Variants in LCORL observed in about 807,000 individuals in gnomAD.
LCORL encodes the protein ligand-dependent nuclear receptor corepressor-like protein.
In LCORL, 41 loss-of-function variants were observed where a neutral mutation model predicts 141.8. That is an observed-to-expected ratio of 0.29 (90% CI 0.23 to 0.38). LCORL has a LOEUF of 0.38. Ranked by LOEUF, LCORL falls within the 10% of genes least tolerant of loss-of-function variation. The pLI, the probability that LCORL is intolerant of heterozygous loss-of-function variation, is 1.00. For synonymous variants in LCORL, 618 were observed against 694.1 expected (o/e 0.89, Z 1.72); for missense variants, 1,759 against 2,035.0 (o/e 0.86, Z 2.61).
intron 5 of LCORL, among the ~76,000 whole-genome samples, chr4:17,898,900 C>T (rs898277415): frequency 3.3e-5 from 5 of 152,228 alleles, no homozygotes; most frequent in African/African-American, 1.2e-4. Flanking sequence ...ACTGTCAATG[C>T]CTCCATAAGG....
intron 4 of LCORL, among the ~76,000 whole-genome samples, chr4:17,920,240 T>C (rs918943987): frequency 1.3e-5 from 2 of 152,200 alleles, no homozygotes; most frequent in Admixed American, 6.5e-5. Context: ...TAGTAAGCAC[T>C]GCTTGGTATG....
intron 4 of LCORL, chr4:17,912,075 G>C: frequency 5.6e-6 from 4 of 716,198 alleles, no homozygotes; most frequent in Non-Finnish European, 7.8e-6. Flanking sequence ...TCAGAGACTG[G>C]AGCCATTACT....
intron 6 of LCORL, among the ~76,000 whole-genome samples, 193 bp from the exon 7 acceptor site, chr4:17,878,406 AAAGTAT>A (rs1465367817): frequency 6.6e-6 from 1 of 151,530 alleles, no homozygotes; most frequent in Non-Finnish European, 1.5e-5. Context: ...TTCCTATGAC[AAAGTAT>A]AAGTCAAAGC....
chr4:17,883,338 T>C (rs1376063809), intron 6 of LCORL: 1 of 1,005,390 alleles, frequency 9.9e-7, no homozygotes. Context: ...TATAAGATGG[T>C]TCAACTGAAT....
intron 7 of LCORL, among the ~76,000 whole-genome samples, chr4:17,857,313 T>A (rs1193856337): frequency 6.6e-6 from 1 of 152,114 alleles, no homozygotes; most frequent in African/African-American, 2.4e-5. Context: ...CTGCAGAGGA[T>A]TTTCCTTGGG....
chr4:17,919,441 T>TA (rs1328275190), intron 4 of LCORL, among the ~76,000 whole-genome samples: 4 of 151,952 alleles, frequency 2.6e-5, no homozygotes, highest in African/African-American at 4.8e-5. Flanking sequence ...AACTATCAAA[T>TA]AAAAAAAACC....
chr4:17,964,868 T>TCCC (rs1560413975), intron 2 of LCORL, among the ~76,000 whole-genome samples: 155 of 142,190 alleles, frequency 1.1e-3, no homozygotes, highest in African/African-American at 4.2e-3. Context: ...TTACTGCCCT[T>TCCC]TTTTTTTTTT....
intron 1 of LCORL, among the ~76,000 whole-genome samples, chr4:17,992,488 G>A (rs944935008): frequency 6.6e-6 from 1 of 152,152 alleles, no homozygotes; most frequent in Admixed American, 6.5e-5. Context: ...TTAATGCTGT[G>A]TTTTCATAAT....
intron 1 of LCORL, among the ~76,000 whole-genome samples, chr4:18,005,854 C>T (rs564542172): frequency 6.6e-6 from 1 of 152,200 alleles, no homozygotes; most frequent in Non-Finnish European, 1.5e-5. Context: ...GGCCTCTGGG[C>T]CTGTGATGGC....
chr4:17,936,717 T>C (rs1038221632), intron 4 of LCORL, among the ~76,000 whole-genome samples: 3 of 152,212 alleles, frequency 2.0e-5, no homozygotes, highest in African/African-American at 7.2e-5. Context: ...TAACGGAGAA[T>C]ATTTTGATGC....
chr4:17,997,355 G>C (rs992749091), intron 1 of LCORL, among the ~76,000 whole-genome samples: 1 of 152,130 alleles, frequency 6.6e-6, no homozygotes, highest in Non-Finnish European at 1.5e-5. Flanking sequence ...GGGGAGGAGG[G>C]CTAGAATGTT....
At chr4:17,907,562 C>A (rs1361584615) in intron 5 of LCORL, among the ~76,000 whole-genome samples, 49 of 152,138 alleles carry the variant, frequency 3.2e-4, no homozygotes, top group Admixed American at 3.2e-3. Flanking sequence ...AAAAAAAATT[C>A]TAAAAATCCT....
intron 7 of LCORL, among the ~76,000 whole-genome samples, chr4:17,852,798 T>G (rs1373008624): frequency 6.6e-6 from 1 of 152,156 alleles, no homozygotes; most frequent in African/African-American, 2.4e-5. Context: ...GAAATCCAAA[T>G]AATTATTTGT....
chr4:17,955,656 T>A (rs140135716), intron 4 of LCORL, among the ~76,000 whole-genome samples: 1 of 152,082 alleles, frequency 6.6e-6, no homozygotes, highest in Non-Finnish European at 1.5e-5. Context: ...GGAAATCGAC[T>A]AAATAAAGGA....
rs530192911 is a variant in LCORL at position 17,870,230 on chromosome 4, C to G, written c.5602+3158G>C. On this transcript the variant is annotated intron_variant, in intron 7 of 7. Transcript: ENST00000635767. Reference sequence around the variant, plus strand: ...ATGGCTCACTGAAGCCTCGACCTCCCAGGTTCAAGCAAGGTGTGGGCTACC... The same window carrying G: ...ATGGCTCACTGAAGCCTCGACCTCCGAGGTTCAAGCAAGGTGTGGGCTACC... Among the ~76,000 whole-genome samples, 37 of 152,250 alleles carry G rather than the reference C, an allele frequency of 2.4e-4. No individual in the cohort carries two copies. In the East Asian group the frequency reaches 6.2e-3, roughly 25 times the overall value.
At chr4:17,918,587 A>G (rs1005906853) in intron 4 of LCORL, among the ~76,000 whole-genome samples, 1 of 152,180 alleles carries the variant, frequency 6.6e-6, no homozygotes, top group African/African-American at 2.4e-5. Flanking sequence ...CTAGATATAC[A>G]CTGGTAGATT....
chr4:17,965,889 T>C (rs770220279), intron 2 of LCORL, among the ~76,000 whole-genome samples: 54 of 152,236 alleles, frequency 3.5e-4, no homozygotes, highest in African/African-American at 9.9e-4. Context: ...TAATGCTTTT[T>C]GGTCCCTTTA....
At chr4:17,930,022 C>T (rs1191150016) in intron 4 of LCORL, among the ~76,000 whole-genome samples, 1 of 151,984 alleles carries the variant, frequency 6.6e-6, no homozygotes. Context: ...CATGATTAGT[C>T]CTTAGGAAAA....
intron 7 of LCORL, among the ~76,000 whole-genome samples, chr4:17,849,618 TCTC>T (rs1369798706): frequency 6.6e-6 from 1 of 151,928 alleles, no homozygotes; most frequent in Non-Finnish European, 1.5e-5. Context: ...GCAGAGCGCC[TCTC>T]CTCCTCCAAA....
Sources: gnomAD v4.1 joint callset for allele counts (sites outside exome capture counted in the v4.1 genomes callset) on GRCh38, gnomAD v4.1.1 for gene constraint, MANE v1.5 for transcripts, NCBI Gene and HGNC (gene_info 2026-07-23, HGNC 2026-07-21) for gene names.